LINGO2: variants seen among roughly 807,000 people sequenced by gnomAD.
The protein encoded by LINGO2 is leucine rich repeat and Ig domain containing 2.
LINGO2 carries 14 observed loss-of-function variants against 30.6 expected under a neutral mutation model. That is an observed-to-expected ratio of 0.46 (90% confidence interval 0.30 to 0.72). LINGO2 has a LOEUF of 0.72. Ranked by LOEUF, LINGO2 falls within the 30% of genes least tolerant of loss-of-function variation. LINGO2 has a pLI of 0.07. For missense variants in LINGO2, 729 were observed against 751.7 expected (o/e 0.97, Z 0.35); for synonymous variants, 317 against 288.5 (o/e 1.10, Z -1.00).
intron 3 of LINGO2, among the ~76,000 whole-genome samples, chr9:28,299,111 T>C (rs1824039003): frequency 1.3e-5 from 2 of 152,294 alleles, no homozygotes; most frequent in South Asian, 2.1e-4. Flanking sequence ...TTGTTTTTTA[T>C]ACGTTATCTC....
At chr9:28,237,164 G>A (rs1236159366) in intron 4 of LINGO2, among the ~76,000 whole-genome samples, 1 of 148,648 alleles carries the variant, frequency 6.7e-6, no homozygotes, top group Non-Finnish European at 1.5e-5. Flanking sequence ...GGTTTTTTTT[G>A]CATGTTTGTT....
intron 1 of LINGO2, among the ~76,000 whole-genome samples, chr9:28,488,741 T>G (rs1223678412): frequency 6.6e-6 from 1 of 152,176 alleles, no homozygotes; most frequent in Non-Finnish European, 1.5e-5. Context: ...AAAACTTCAA[T>G]GAAAGATTTT....
intron 4 of LINGO2, among the ~76,000 whole-genome samples, chr9:28,027,646 C>T (rs555368662): frequency 5.4e-5 from 8 of 149,414 alleles, no homozygotes; most frequent in African/African-American, 2.0e-4. Context: ...TTCTGTGTTC[C>T]GTTTCTTTAA....
chr9:28,523,267 G>A (rs901233429), intron 1 of LINGO2, among the ~76,000 whole-genome samples: 6 of 151,862 alleles, frequency 4.0e-5, no homozygotes, highest in Admixed American at 1.3e-4. Context: ...AAATTAACAT[G>A]CTTTCATGAT....
At chr9:28,435,017 C>A (rs1449941818) in intron 2 of LINGO2, among the ~76,000 whole-genome samples, 1 of 152,036 alleles carries the variant, frequency 6.6e-6, no homozygotes, top group African/African-American at 2.4e-5. Context: ...AAAAAAAATT[C>A]CCTGTGAAAA....
At chr9:28,553,258 TAG>T (rs1021041335) in intron 1 of LINGO2, among the ~76,000 whole-genome samples, 3 of 151,922 alleles carry the variant, frequency 2.0e-5, no homozygotes, top group African/African-American at 7.2e-5. Context: ...GAAAAAAATG[TAG>T]AAGAATGTGT....
the LINGO2 span, among the ~76,000 whole-genome samples, chr9:28,678,741 A>G: frequency 6.6e-6 from 1 of 152,164 alleles, no homozygotes; most frequent in Non-Finnish European, 1.5e-5. Flanking sequence ...AATTATATTT[A>G]TTTGAGTAAT....
chr9:28,781,662 C>T, the LINGO2 span, among the ~76,000 whole-genome samples: 4 of 151,950 alleles, frequency 2.6e-5, no homozygotes, highest in Admixed American at 2.0e-4. Context: ...ACACATGTTG[C>T]CAAAAATCAT....
rs1826160456 is a variant in LINGO2 at position 28,617,061 on chromosome 9, G to C, written c.-365+53139C>G. ...TATAAACCTCCTATTTTCTGTTTTA[G>C]TAGTAAATTAGCCTTGGCATGAATA... On this transcript the variant is annotated intron_variant, in intron 1 of 5. Transcript: ENST00000379992. Among the ~76,000 whole-genome samples, 2 of 151,828 alleles carry C rather than the reference G, an allele frequency of 1.3e-5. 1 individual carries two copies. The highest frequency in any genetic ancestry group is 4.8e-5 in the African/African-American group (2 of 41,284).
At chr9:28,878,287 G>A in the LINGO2 span, among the ~76,000 whole-genome samples, 1 of 152,000 alleles carries the variant, frequency 6.6e-6, no homozygotes, top group African/African-American at 2.4e-5. Context: ...GACTAAACCA[G>A]GAAGAAGTTG....
At chr9:27,968,073 A>G (rs1000889796) in intron 5 of LINGO2, among the ~76,000 whole-genome samples, 7 of 152,162 alleles carry the variant, frequency 4.6e-5, no homozygotes, top group African/African-American at 1.7e-4. Flanking sequence ...AGTAGGAAGT[A>G]TATTTAATTG....
At chr9:28,503,462 G>C (rs914667554) in intron 1 of LINGO2, among the ~76,000 whole-genome samples, 1 of 151,742 alleles carries the variant, frequency 6.6e-6, no homozygotes, top group Non-Finnish European at 1.5e-5. Context: ...TCACCTTTAG[G>C]GTGATGACAG....
intron 1 of LINGO2, among the ~76,000 whole-genome samples, chr9:28,567,819 A>AAAT (rs933340903): frequency 6.6e-6 from 1 of 151,916 alleles, no homozygotes; most frequent in African/African-American, 2.4e-5. Flanking sequence ...ATAAATAAAT[A>AAAT]AATAAATTTA....
chr9:28,245,274 C>A (rs1388967771), intron 4 of LINGO2, among the ~76,000 whole-genome samples: 4 of 152,114 alleles, frequency 2.6e-5, no homozygotes, highest in Non-Finnish European at 5.9e-5. Context: ...GTTAAAAACT[C>A]TCAATAAACT....
At chr9:29,165,500 A>T in the LINGO2 span, among the ~76,000 whole-genome samples, 1 of 152,012 alleles carries the variant, frequency 6.6e-6, no homozygotes, top group African/African-American at 2.4e-5. Flanking sequence ...CATAACCTTA[A>T]ACCTGAACAT....
At chr9:28,212,194 T>C (rs1427483741) in intron 4 of LINGO2, among the ~76,000 whole-genome samples, 1 of 151,550 alleles carries the variant, frequency 6.6e-6, no homozygotes, top group African/African-American at 2.4e-5. Flanking sequence ...TAAGTCAATA[T>C]GTATGAAGAC....
the LINGO2 span, among the ~76,000 whole-genome samples, chr9:29,181,628 A>G: frequency 6.6e-6 from 1 of 152,190 alleles, no homozygotes; most frequent in South Asian, 2.1e-4. Flanking sequence ...AAAAGAGAAG[A>G]GGCAACTGAA....
At chr9:28,462,473 AC>A (rs1253464784) in intron 2 of LINGO2, among the ~76,000 whole-genome samples, 2 of 151,350 alleles carry the variant, frequency 1.3e-5, no homozygotes, top group Non-Finnish European at 2.9e-5. Flanking sequence ...ATGACATCTC[AC>A]TTTTGAAAGG....
At chr9:28,383,926 A>G (rs918815137) in intron 2 of LINGO2, among the ~76,000 whole-genome samples, 3 of 152,092 alleles carry the variant, frequency 2.0e-5, no homozygotes, top group Non-Finnish European at 4.4e-5. Flanking sequence ...TCTGGGGTAG[A>G]GAAACCTATG....
Sources: gnomAD v4.1 joint callset for allele counts (sites outside exome capture counted in the v4.1 genomes callset) on GRCh38, gnomAD v4.1.1 for gene constraint, MANE v1.5 for transcripts, NCBI Gene and HGNC (gene_info 2026-07-23, HGNC 2026-07-21) for gene names.